Variants in MAP4K1 observed in about 807,000 individuals in gnomAD.
MAP4K1 encodes the protein mitogen-activated protein kinase kinase kinase kinase 1.
Under a neutral mutation model 122.8 loss-of-function variants are expected in MAP4K1, and 35 were observed. That is an observed-to-expected ratio of 0.29 (90% confidence interval 0.22 to 0.38). The LOEUF (loss-of-function observed/expected upper bound fraction) is 0.38. Ranked by LOEUF, MAP4K1 falls within the 10% of genes least tolerant of loss-of-function variation. MAP4K1 has a pLI of 1.00. For synonymous variants in MAP4K1, 412 were observed against 421.3 expected, an observed-to-expected ratio of 0.98 and a Z score of 0.27; for missense variants, 791 against 1,072.6, an observed-to-expected ratio of 0.74 and a Z score of 3.67.
intron 9 of MAP4K1, among the ~76,000 whole-genome samples, chr19:38,612,020 C>A (rs1168564075): frequency 6.6e-6 from 1 of 152,002 alleles, no homozygotes; most frequent in East Asian, 1.9e-4. Flanking sequence ...ATCACTTGAA[C>A]CCTGGAGGCA....
At chr19:38,601,578 A>G (rs1034258168) in intron 19 of MAP4K1, 53 bp from the exon 20 acceptor site, 19 of 1,376,938 alleles carry the variant, frequency 1.4e-5, no homozygotes, top group Non-Finnish European at 1.6e-5. Flanking sequence ...AGAGCAGGGA[A>G]CAGGAAGGGG....
chr19:38,613,568 A>G (rs1229363091), intron 8 of MAP4K1, among the ~76,000 whole-genome samples: 1 of 152,066 alleles, frequency 6.6e-6, no homozygotes, highest in East Asian at 1.9e-4. Flanking sequence ...AGAGACAGAG[A>G]GTGAGAGAGA....
chr19:38,607,828 TG>T, intron 16 of MAP4K1, 35 bp downstream of exon 16: 1 of 1,605,524 alleles, frequency 6.2e-7, no homozygotes, highest in Non-Finnish European at 8.5e-7. Flanking sequence ...GGGGCTGAGG[TG>T]GGGCCTGTGG....
chr19:38,595,414 G>A (rs1974843635), intron 29 of MAP4K1, 71 bp downstream of exon 29: 5 of 1,518,642 alleles, frequency 3.3e-6, no homozygotes, highest in Non-Finnish European at 4.6e-6. Context: ...AGGAGTTCTC[G>A]GAGCCCATCT....
At chr19:38,599,188 TA>T (rs750037116) in intron 22 of MAP4K1, among the ~76,000 whole-genome samples, 2,103 of 103,326 alleles carry the variant, frequency 0.02, 40 homozygotes, top group African/African-American at 0.065. Flanking sequence ...ATAAAAAAAG[TA>T]AAAAAAAAAA....
intron 25 of MAP4K1, 135 bp from the exon 26 acceptor site, chr19:38,596,621 G>A (rs769497248): frequency 3.8e-6 from 3 of 785,854 alleles, no homozygotes; most frequent in Non-Finnish European, 5.9e-6. Context: ...AATGTCAGGG[G>A]ATAAGGCCTG....
At position 38,597,185 on chromosome 19, in the gene MAP4K1, T is replaced by C; in HGVS notation, c.1838-48A>G. 6.2e-7 allele frequency: 1 copy of C among 1,604,112 alleles called. No homozygotes were observed. On this transcript the variant is annotated intron_variant, in intron 24 of 30. Coordinates refer to ENST00000396857, the MANE Select transcript of MAP4K1 (RefSeq NM_001042600.3). This position sits in a 1 kb window ranked among gnomAD's most constrained non-coding sequence, Gnocchi z 4.6. The stretch of plus-strand genomic sequence containing the variant: ...TCAAGATCAATGCCCTCTATCCTCC[T>C]CGCCACCCACACTACCACCCATCTT...
chr19:38,603,014 ATATACATG>A (rs1341066919), intron 19 of MAP4K1, among the ~76,000 whole-genome samples: 1 of 146,808 alleles, frequency 6.8e-6, no homozygotes, highest in Non-Finnish European at 1.5e-5. Flanking sequence ...ATATACACAC[ATATACATG>A]TATACATATA....
intron 26 of MAP4K1, 136 bp from the exon 27 acceptor site, chr19:38,596,137 C>T (rs1974869644): frequency 1.6e-6 from 2 of 1,276,770 alleles, no homozygotes; most frequent in African/African-American, 1.5e-5. Context: ...CCCACCATCC[C>T]GGTCCCACCC....
chr19:38,592,711 G>A (rs1204993036), intron 30 of MAP4K1, among the ~76,000 whole-genome samples: 2 of 152,078 alleles, frequency 1.3e-5, no homozygotes, highest in African/African-American at 2.4e-5. Flanking sequence ...GAGGTCAGGA[G>A]TTCGAGACCA....
At chr19:38,607,818 G>C in intron 16 of MAP4K1, 46 bp downstream of exon 16, 1 of 1,598,346 alleles carries the variant, frequency 6.3e-7, no homozygotes, top group South Asian at 1.1e-5. Context: ...TAGGAAGGTG[G>C]GGGCTGAGGT....
chr19:38,609,732 C>T (rs1975439184), intron 12 of MAP4K1, 58 bp from the exon 13 acceptor site: 7 of 1,499,784 alleles, frequency 4.7e-6, no homozygotes, highest in Non-Finnish European at 5.5e-6. Context: ...TCCTACCCTG[C>T]CCGGGGTCCA....
chr19:38,590,270 A>G (rs1974663595), intron 30 of MAP4K1, among the ~76,000 whole-genome samples: 1 of 149,658 alleles, frequency 6.7e-6, no homozygotes, highest in South Asian at 2.1e-4. Flanking sequence ...TTTAATTTTT[A>G]AAAAGGTCAA....
chr19:38,610,370 TAA>T (rs1975460342), intron 11 of MAP4K1, among the ~76,000 whole-genome samples: 1 of 130,024 alleles, frequency 7.7e-6, no homozygotes, highest in African/African-American at 3.0e-5. Flanking sequence ...CACGCCCAGC[TAA>T]TTTTTTTTTT....
At chr19:38,611,193 C>CA (rs1383517505) in intron 10 of MAP4K1, 50 bp downstream of exon 10, 1 of 1,601,608 alleles carries the variant, frequency 6.2e-7, no homozygotes, top group Non-Finnish European at 8.6e-7. Flanking sequence ...TCAGGCCACC[C>CA]AGCCCCAGCC....
At chr19:38,590,327 TTATA>T (rs1247696285) in intron 30 of MAP4K1, among the ~76,000 whole-genome samples, 1 of 106,726 alleles carries the variant, frequency 9.4e-6, no homozygotes, top group African/African-American at 3.6e-5. Flanking sequence ...TCCGGCTTAA[TTATA>T]AAGAAACATG....
At position 38,616,270 on chromosome 19, in the gene MAP4K1, T is replaced by C; in HGVS notation, c.249-11A>G. The C allele has an allele frequency of 6.2e-7, 1 of 1,608,830 alleles. No homozygotes were observed. Among genetic ancestry groups the C allele is most frequent in the Non-Finnish European group, 8.5e-7 (1 of 1,176,920 alleles). On this transcript the variant is annotated splice_polypyrimidine_tract_variant and intron_variant, in intron 3 of 30. Coordinates refer to ENST00000396857, the MANE Select transcript of MAP4K1 (RefSeq NM_001042600.3). Reference sequence around the variant, plus strand: ...CAGAGTTTCTGCAACCTGCAGTGGTTCAAGAGTAAGAATAATAATAGCAGT... The same window carrying C: ...CAGAGTTTCTGCAACCTGCAGTGGTCCAAGAGTAAGAATAATAATAGCAGT...
At chr19:38,588,518 C>A (rs1010313864) in intron 30 of MAP4K1, among the ~76,000 whole-genome samples, 1 of 151,872 alleles carries the variant, frequency 6.6e-6, no homozygotes. Flanking sequence ...TGGTGAATCC[C>A]ATCTCTACTA....
chr19:38,599,807 GGA>G, intron 22 of MAP4K1, 116 bp downstream of exon 22: 1 of 932,180 alleles, frequency 1.1e-6, no homozygotes. Context: ...TTTGAACCTA[GGA>G]CTTTGTGACC....
Sources: allele counts gnomAD v4.1 joint callset (sites outside exome capture counted in the v4.1 genomes callset), GRCh38; gene constraint gnomAD v4.1.1; non-coding constraint Gnocchi (gnomAD v3.1); transcripts MANE v1.5; gene names NCBI Gene and HGNC (gene_info 2026-07-23, HGNC 2026-07-21).